ASB15: variants seen among roughly 807,000 people sequenced by gnomAD.
ASB15 encodes the protein ankyrin repeat and SOCS box protein 15.
ASB15 carries 54 observed loss-of-function variants against 58.0 expected under a neutral mutation model. That is an observed-to-expected ratio of 0.93 (90% CI 0.75 to 1.17). The LOEUF (loss-of-function observed/expected upper bound fraction) is 1.17. Ranked by LOEUF, ASB15 falls within the 50% of genes most tolerant of loss-of-function variation. The probability of loss-of-function intolerance (pLI) is 0.00; values close to 1 mark genes in which losing one functional copy is unlikely to be tolerated. For synonymous variants in ASB15, 249 were observed against 262.4 expected (o/e 0.95, Z 0.50); for missense variants, 680 against 707.4 (o/e 0.96, Z 0.44).
intron 7 of ASB15, among the ~76,000 whole-genome samples, chr7:123,623,736 C>T (rs553976986): frequency 2.6e-5 from 4 of 151,492 alleles, no homozygotes; most frequent in Admixed American, 2.0e-4. Context: ...TGGTGGTATG[C>T]GCCTGTAATT....
At chr7:123,600,503 T>C (rs1055864887), upstream of ASB15, among the ~76,000 whole-genome samples, 2 of 152,044 alleles carry the variant, frequency 1.3e-5, no homozygotes, top group Non-Finnish European at 2.9e-5. Context: ...ATATTGTAAG[T>C]AAAAAAAAGT....
At chr7:123,623,940 AAAGAAAG>A (rs1562935873) in intron 7 of ASB15, among the ~76,000 whole-genome samples, 3 of 35,548 alleles carry the variant, frequency 8.4e-5, no homozygotes, top group Admixed American at 8.4e-4. Flanking sequence ...GAAAAGAAAG[AAAGAAAG>A]AAAGAAAGAA....
At chr7:123,599,868 C>A (rs535865825), upstream of ASB15, among the ~76,000 whole-genome samples, 73 of 152,048 alleles carry the variant, frequency 4.8e-4, no homozygotes, top group Non-Finnish European at 9.1e-4. Flanking sequence ...TAAATCTGAC[C>A]CCTCCCTGAA....
chr7:123,634,020 G>GT (rs1255522238), intron 11 of ASB15, among the ~76,000 whole-genome samples: 1 of 152,024 alleles, frequency 6.6e-6, no homozygotes, highest in Non-Finnish European at 1.5e-5. Flanking sequence ...CGATTGGTGG[G>GT]TTTTTTTCTG....
intron 1 of ASB15, among the ~76,000 whole-genome samples, chr7:123,603,489 T>G (rs1330633336): frequency 6.6e-6 from 1 of 152,174 alleles, no homozygotes; most frequent in Non-Finnish European, 1.5e-5. Flanking sequence ...TAATACTAGG[T>G]GGTGGTGTCT....
intron 2 of ASB15, among the ~76,000 whole-genome samples, chr7:123,607,328 TGTA>T (rs1800197111): frequency 2.0e-5 from 3 of 152,302 alleles, no homozygotes; most frequent in Admixed American, 1.3e-4. Flanking sequence ...TTAATAACTG[TGTA>T]GTATTCCATT....
chr7:123,602,488 T>C (rs1799933153), intron 1 of ASB15, among the ~76,000 whole-genome samples: 1 of 152,134 alleles, frequency 6.6e-6, no homozygotes, highest in Non-Finnish European at 1.5e-5. Flanking sequence ...CATATTGTTC[T>C]TAAATGCACA....
intron 1 of ASB15, among the ~76,000 whole-genome samples, chr7:123,580,335 T>C (rs917282971): frequency 6.6e-6 from 1 of 152,020 alleles, no homozygotes; most frequent in Non-Finnish European, 1.5e-5. Flanking sequence ...GCTTGTTAAG[T>C]TTTTGGTTTG....
intron 7 of ASB15, among the ~76,000 whole-genome samples, chr7:123,618,686 A>T (rs372374614): frequency 1.3e-5 from 2 of 152,064 alleles, no homozygotes; most frequent in East Asian, 3.9e-4. Flanking sequence ...ACAGAGAAAG[A>T]CGTTAAAGGT....
intron 7 of ASB15, among the ~76,000 whole-genome samples, chr7:123,619,107 G>A (rs578262653): frequency 2.7e-5 from 4 of 149,694 alleles, no homozygotes; most frequent in Non-Finnish European, 5.9e-5. Context: ...TTGAACCTGG[G>A]AGGTGGAGGT....
chr7:123,613,031 G>A (rs759765318), intron 3 of ASB15, among the ~76,000 whole-genome samples: 2 of 151,930 alleles, frequency 1.3e-5, no homozygotes, highest in Non-Finnish European at 2.9e-5. Flanking sequence ...GCTTGGTGGA[G>A]CATGGTGACT....
intron 1 of ASB15, among the ~76,000 whole-genome samples, chr7:123,567,879 C>G (rs1356479382): frequency 6.6e-6 from 1 of 151,930 alleles, no homozygotes; most frequent in East Asian, 1.9e-4. Context: ...ATTCAAATTC[C>G]AATCACTTGG....
intron 7 of ASB15, among the ~76,000 whole-genome samples, chr7:123,622,027 A>C (rs1461602307): frequency 1.3e-5 from 2 of 152,162 alleles, no homozygotes; most frequent in African/African-American, 4.8e-5. Flanking sequence ...TCTTTCTCAC[A>C]AATCAATACA....
intron 1 of ASB15, among the ~76,000 whole-genome samples, chr7:123,577,134 T>C (rs141420144): frequency 6.6e-6 from 1 of 152,214 alleles, no homozygotes; most frequent in Non-Finnish European, 1.5e-5. Flanking sequence ...GTCTTTTTCA[T>C]ATTATTTGTA....
chr7:123,623,915 G>A (rs1329696513), intron 7 of ASB15, among the ~76,000 whole-genome samples: 3 of 91,080 alleles, frequency 3.3e-5, no homozygotes, highest in East Asian at 3.1e-4. Flanking sequence ...AGGAAGGAAG[G>A]AAGGAAGAAA....
chr7:123,619,915 A>C (rs1801127977), intron 7 of ASB15: 1 of 152,288 alleles, frequency 6.6e-6, no homozygotes, highest in Admixed American at 6.5e-5. Context: ...TAGTTAGAAT[A>C]CAGACAAAGC....
chr7:123,635,174 C>A (rs1474983256), intron 11 of ASB15, among the ~76,000 whole-genome samples: 2 of 152,038 alleles, frequency 1.3e-5, no homozygotes, highest in East Asian at 3.8e-4. Flanking sequence ...AAAGTGATTA[C>A]CATTCAGAAT....
intron 1 of ASB15, among the ~76,000 whole-genome samples, chr7:123,569,047 A>G (rs1013603725): frequency 2.6e-5 from 4 of 152,244 alleles, no homozygotes; most frequent in African/African-American, 4.8e-5. Flanking sequence ...AATAAACTAC[A>G]TAACAACTAA....
chr7:123,622,106 C>T (rs1801368941), intron 7 of ASB15, among the ~76,000 whole-genome samples: 1 of 152,192 alleles, frequency 6.6e-6, no homozygotes, highest in Non-Finnish European at 1.5e-5. Flanking sequence ...TAACCCTTGC[C>T]TATCATCTAT....
Sources: gnomAD v4.1 joint callset for allele counts (sites outside exome capture counted in the v4.1 genomes callset) on GRCh38, gnomAD v4.1.1 for gene constraint, MANE v1.5 for transcripts, NCBI Gene and HGNC (gene_info 2026-07-23, HGNC 2026-07-21) for gene names.